Variants in MEF2C observed in about 807,000 individuals in gnomAD.
The protein encoded by MEF2C is myocyte enhancer factor 2C, also known as myocyte-specific enhancer factor 2C.
Under a neutral mutation model 50.5 loss-of-function variants are expected in MEF2C, and 6 were observed. The ratio of observed to expected loss-of-function variants is 0.12; its 90% CI spans 0.07 to 0.23. The LOEUF (loss-of-function observed/expected upper bound fraction) is 0.23. Among genes scored for constraint, MEF2C ranks in the 10% least tolerant of loss-of-function variants. The pLI, the probability that MEF2C is intolerant of heterozygous loss-of-function variation, is 1.00. For synonymous variants in MEF2C, 183 were observed against 228.0 expected (o/e 0.80, Z 1.78); for missense variants, 276 against 605.0 (o/e 0.46, Z 5.70).
intron 1 of MEF2C, among the ~76,000 whole-genome samples, chr5:88,864,189 T>G (rs558664513): frequency 6.6e-6 from 1 of 151,896 alleles, no homozygotes; most frequent in South Asian, 2.1e-4. Context: ...TCACTGTGTA[T>G]TCAATGTTCT....
intron 1 of MEF2C, among the ~76,000 whole-genome samples, chr5:88,839,883 C>T (rs1039991829): frequency 7.2e-5 from 11 of 152,100 alleles, no homozygotes; most frequent in Non-Finnish European, 1.5e-4. Context: ...ATGGAGAATT[C>T]CAGAATGGAC....
At chr5:88,734,009 T>C in intron 6 of MEF2C, 3 of 985,092 alleles carry the variant, frequency 3.0e-6, no homozygotes, top group Non-Finnish European at 3.6e-6. Flanking sequence ...AAACAATGCA[T>C]TTACTTCCTC....
At chr5:88,795,664 C>T (rs1467964647) in intron 3 of MEF2C, among the ~76,000 whole-genome samples, 1 of 152,312 alleles carries the variant, frequency 6.6e-6, no homozygotes, top group East Asian at 1.9e-4. Flanking sequence ...CTGGCCAGAA[C>T]TTCCAATACT....
chr5:88,828,914 T>C (rs1264703464), intron 1 of MEF2C, among the ~76,000 whole-genome samples: 2 of 151,974 alleles, frequency 1.3e-5, no homozygotes, highest in Non-Finnish European at 2.9e-5. Context: ...TCTCTAAGCT[T>C]ACCATGTATT....
At chr5:88,736,860 C>T in intron 6 of MEF2C, 1 of 985,392 alleles carries the variant, frequency 1.0e-6, no homozygotes, top group Non-Finnish European at 1.2e-6. Flanking sequence ...CAAATCTTTG[C>T]TCTAGCAGTT....
At chr5:88,778,636 C>T (rs1420758577) in intron 3 of MEF2C, among the ~76,000 whole-genome samples, 1 of 152,110 alleles carries the variant, frequency 6.6e-6, no homozygotes, top group Admixed American at 6.5e-5. Flanking sequence ...TATATAATCT[C>T]TTCCCTTTCC....
intron 10 of MEF2C, among the ~76,000 whole-genome samples, chr5:88,724,269 T>C (rs1224821010): frequency 6.6e-6 from 1 of 152,134 alleles, no homozygotes; most frequent in Non-Finnish European, 1.5e-5. Flanking sequence ...AGAAAAAGTA[T>C]ATATTTCAGA....
At chr5:88,741,604 T>C (rs1766818205) in intron 6 of MEF2C, 1 of 982,830 alleles carries the variant, frequency 1.0e-6, no homozygotes, top group Non-Finnish European at 1.2e-6. Flanking sequence ...ATTAATGTTA[T>C]AATGTTTGAA....
chr5:88,734,810 G>A, intron 6 of MEF2C: 15 of 978,466 alleles, frequency 1.5e-5, no homozygotes, highest in South Asian at 9.5e-5. Flanking sequence ...TGGAAATTAC[G>A]CCATTTTAGA....
chr5:88,792,207 C>T (rs1794085893), intron 3 of MEF2C, among the ~76,000 whole-genome samples: 1 of 152,072 alleles, frequency 6.6e-6, no homozygotes, highest in Non-Finnish European at 1.5e-5. Context: ...TAAGACAGAA[C>T]TATCATCTTT....
At chr5:88,861,614 C>T (rs952563978) in intron 1 of MEF2C, among the ~76,000 whole-genome samples, 2 of 152,156 alleles carry the variant, frequency 1.3e-5, no homozygotes, top group African/African-American at 4.8e-5. Flanking sequence ...GAAAGCTTTG[C>T]CTTTCTGAGA....
In MEF2C at chr5:88,761,364, A is replaced by G. The variant is rs745737782; in HGVS notation, c.259-36T>C. The G allele has an allele frequency of 1.0e-5, 16 of 1,595,018 alleles. No individual in the cohort carries two copies. In the East Asian group the frequency reaches 1.8e-4, roughly 18 times the overall value. On this transcript the variant is annotated intron_variant, in intron 3 of 10. Transcript: ENST00000504921. Reference sequence around the variant, plus strand: ...TAATTTGGAAAGTTCAAACCTAGACAAAGGCTGTAAGAGACATTCAGGGGC... The same window carrying G: ...TAATTTGGAAAGTTCAAACCTAGACGAAGGCTGTAAGAGACATTCAGGGGC...
chr5:88,773,355 A>G (rs1783256818), intron 3 of MEF2C, among the ~76,000 whole-genome samples: 1 of 152,202 alleles, frequency 6.6e-6, no homozygotes, highest in Non-Finnish European at 1.5e-5. Flanking sequence ...ACCCTTAGCA[A>G]CATCTGCCCC....
intron 1 of MEF2C, among the ~76,000 whole-genome samples, chr5:88,860,633 C>T (rs1485751470): frequency 6.6e-6 from 1 of 152,138 alleles, no homozygotes; most frequent in African/African-American, 2.4e-5. Context: ...AGCCTAGCAG[C>T]TATGATCTGG....
chr5:88,875,291 GT>G (rs1269289742), intron 1 of MEF2C, among the ~76,000 whole-genome samples: 1 of 151,824 alleles, frequency 6.6e-6, no homozygotes, highest in East Asian at 1.9e-4. Flanking sequence ...TTCTCCCCCT[GT>G]ACTCTCTATT....
chr5:88,786,082 C>T (rs1447545820), intron 3 of MEF2C, among the ~76,000 whole-genome samples: 1 of 151,936 alleles, frequency 6.6e-6, no homozygotes, highest in African/African-American at 2.4e-5. Flanking sequence ...AGACAACTAC[C>T]AGTTAGAAGA....
intron 4 of MEF2C, among the ~76,000 whole-genome samples, chr5:88,753,398 A>G (rs1773770544): frequency 6.6e-6 from 1 of 151,758 alleles, no homozygotes; most frequent in South Asian, 2.1e-4. Context: ...TACTTTTATT[A>G]TTATATTATT....
rs1211278462 is a variant in MEF2C, at chr5:88,721,754, G to C, written c.*850C>G. The stretch of plus-strand genomic sequence containing the variant: ...ATGGAGTTCTTCATGGCTTAGGGTA[G>C]TGCTTTCTATACAAAAAGTCCTTTT... On this transcript the variant is annotated 3_prime_UTR_variant, in exon 11 of 11. Transcript: ENST00000504921. 6.6e-6 allele frequency: 1 copy of C among 152,514 alleles called. No homozygotes were observed. The highest frequency in any genetic ancestry group is 2.4e-5 in the African/African-American group (1 of 41,418). The allele number at this position is 152,514 out of a possible 1,614,324, so 9.4% of individuals were successfully genotyped here.
In MEF2C at chr5:88,761,266, T is replaced by C. The variant is rs1209101657; in HGVS notation, c.321A>G (p.Val107=). The change falls in exon 4 of 11, where the codon GTA becomes GTG. Residue 107 remains valine (V), a synonymous_variant. Coordinates refer to ENST00000504921, the MANE Select transcript of MEF2C (RefSeq NM_002397.5). ...DSPDPDADDS[V]GHSPESEDKY... is the part of the protein sequence containing the mutation. Reference sequence around the variant, plus strand: ...TGTCCTCAGACTCAGGGCTGTGACCTACGGAATCGTCCGCATCGGGGTCTG... The same window carrying C: ...TGTCCTCAGACTCAGGGCTGTGACCCACGGAATCGTCCGCATCGGGGTCTG... 1.2e-6 allele frequency: 2 copies of C among 1,613,950 alleles called. No individual in the cohort carries two copies. The highest frequency in any genetic ancestry group is 2.7e-5 in the African/African-American group (2 of 74,952).
Sources: gnomAD v4.1 joint callset for allele counts (sites outside exome capture counted in the v4.1 genomes callset) on GRCh38, gnomAD v4.1.1 for gene constraint, MANE v1.5 for transcripts, NCBI Gene and HGNC (gene_info 2026-07-23, HGNC 2026-07-21) for gene names.